The following SPIRE1 variants were observed in gnomAD, a reference collection of about 807,000 sequenced individuals.
The protein encoded by SPIRE1 is spire type actin nucleation factor 1.
SPIRE1 carries 40 observed loss-of-function variants against 94.1 expected under a neutral mutation model. The observed-to-expected ratio is 0.43, with a 90% CI of 0.33 to 0.55. The LOEUF is 0.55. SPIRE1 is among the 20% of genes least tolerant of loss of function. The pLI is 0.06. For synonymous variants in SPIRE1, 376 were observed against 371.7 expected, an observed-to-expected ratio of 1.01 and a Z score of -0.13; for missense variants, 838 against 975.2, an observed-to-expected ratio of 0.86 and a Z score of 1.87.
In SPIRE1 at chr18:12,615,342, AAAAATATATATAT is replaced by A. The variant is rs1332878746; in HGVS notation, c.372+19707_372+19719del. On this transcript the variant is annotated intron_variant, in intron 2 of 16. Coordinates refer to ENST00000409402, the MANE Select transcript of SPIRE1 (RefSeq NM_001128626.2). ...AACTCTGTCTCAAAAAAAAAAAAAA[AAAAATATATATAT>A]ATATATATATATATATATGCATGTA... 1.2e-4 allele frequency among the ~76,000 whole-genome samples: 7 copies of A among 58,314 alleles called. 1 individual carries two copies. The highest frequency in any genetic ancestry group is 3.1e-4 in the African/African-American group (7 of 22,452). 38.3% of individuals were successfully genotyped at this position (58,314 alleles called of 152,430 possible). A position where few individuals can be genotyped will look rare whatever the true frequency, so the allele number is the denominator to read the frequency against.
Position 12,512,515 on chromosome 18 carries a change from T to C in SPIRE1, c.746A>G (p.Gln249Arg). 2 of 1,609,450 alleles carry C rather than the reference T, an allele frequency of 1.2e-6. No individual in the cohort carries two copies. Residue 249 changes from glutamine to arginine, a missense_variant, in exon 5 of 17, where the codon CAA (glutamine) becomes CGA (arginine). Physicochemically the swap from Gln to Arg is conservative, Grantham distance 43. Around this residue, in one of 2 missense-constraint regions of SPIRE1, gnomAD observed 645 missense variants for 804.7 expected, o/e 0.80. Transcript: ENST00000409402. ...AGATTCATCGCTCTTTTCCATTTCT[T>C]GAATCTTCTTAAGATTCTACAGGTT... is the stretch of plus-strand genomic sequence containing the variant. ...KSAKENLKKI[Q>R]EMEKSDESST...
chr18:12,603,287 T>G (rs1339181524), intron 2 of SPIRE1, among the ~76,000 whole-genome samples: 2 of 152,220 alleles, frequency 1.3e-5, no homozygotes, highest in African/African-American at 2.4e-5. Context: ...AATCTTAACT[T>G]GAACCGTCTG....
intron 2 of SPIRE1, among the ~76,000 whole-genome samples, chr18:12,605,966 A>T (rs2036963557): frequency 6.6e-6 from 1 of 151,822 alleles, no homozygotes; most frequent in African/African-American, 2.4e-5. Context: ...GCATCTTCCC[A>T]CTGCAGGCCT....
At chr18:12,631,022 G>A (rs985422026) in intron 2 of SPIRE1, among the ~76,000 whole-genome samples, 2 of 152,228 alleles carry the variant, frequency 1.3e-5, no homozygotes, top group African/African-American at 4.8e-5. Context: ...CTGACAAAAA[G>A]AGCCTTAAAC....
chr18:12,502,165 T>C (rs767006808), intron 6 of SPIRE1, among the ~76,000 whole-genome samples: 2 of 152,170 alleles, frequency 1.3e-5, no homozygotes, highest in Admixed American at 1.3e-4. Context: ...AAGGAACCTA[T>C]AATTCTTAGT....
At chr18:12,518,171 T>G (rs2034252795) in intron 4 of SPIRE1, among the ~76,000 whole-genome samples, 1 of 152,068 alleles carries the variant, frequency 6.6e-6, no homozygotes, top group South Asian at 2.1e-4. Flanking sequence ...CTACCACACC[T>G]GGCTAATTTT....
intron 11 of SPIRE1, 95 bp from the exon 12 acceptor site, chr18:12,463,588 T>G: frequency 9.7e-7 from 1 of 1,028,444 alleles, no homozygotes; most frequent in South Asian, 1.7e-5. Flanking sequence ...CAAAGATGAA[T>G]TATTTATTTC....
At chr18:12,579,093 G>C (rs1369816269) in intron 2 of SPIRE1, among the ~76,000 whole-genome samples, 1 of 150,854 alleles carries the variant, frequency 6.6e-6, no homozygotes, top group Non-Finnish European at 1.5e-5. Flanking sequence ...TTTAAGAGAA[G>C]GGGAGGAAAA....
At chr18:12,581,514 C>G (rs181087520) in intron 2 of SPIRE1, among the ~76,000 whole-genome samples, 53 of 152,222 alleles carry the variant, frequency 3.5e-4, no homozygotes, top group African/African-American at 8.4e-4. Context: ...CTGAGTAAAT[C>G]TGAAAAATAC....
intron 4 of SPIRE1, among the ~76,000 whole-genome samples, chr18:12,527,534 T>C (rs934576502): frequency 6.6e-6 from 1 of 152,172 alleles, no homozygotes; most frequent in Non-Finnish European, 1.5e-5. Context: ...TTCCCCCAAG[T>C]ACATAAATTA....
intron 2 of SPIRE1, among the ~76,000 whole-genome samples, chr18:12,593,612 C>T (rs951433603): frequency 1.3e-4 from 20 of 152,202 alleles, no homozygotes; most frequent in African/African-American, 4.3e-4. Context: ...GACATAGGTC[C>T]TCTCCTGAAG....
At chr18:12,635,639 T>C (rs11080591) in intron 1 of SPIRE1, among the ~76,000 whole-genome samples, 137,677 of 152,166 alleles carry the variant, frequency 0.9, 62,527 homozygotes, top group Non-Finnish European at 0.95. Context: ...AGAGGCTCAC[T>C]TAAAGAATAA....
chr18:12,474,014 G>T (rs1471778083), intron 10 of SPIRE1, among the ~76,000 whole-genome samples: 1 of 152,172 alleles, frequency 6.6e-6, no homozygotes, highest in East Asian at 1.9e-4. Flanking sequence ...AGGTATTATG[G>T]TGGCTAGAAA....
At chr18:12,581,319 G>A (rs973611788) in intron 2 of SPIRE1, among the ~76,000 whole-genome samples, 11 of 152,130 alleles carry the variant, frequency 7.2e-5, no homozygotes, top group African/African-American at 1.4e-4. Flanking sequence ...TTGAACTAAA[G>A]TGACTTTCAT....
At chr18:12,465,055 G>T in intron 10 of SPIRE1, 97 bp from the exon 11 acceptor site, 1 of 1,037,308 alleles carries the variant, frequency 9.6e-7, no homozygotes. Flanking sequence ...TTTAACATGA[G>T]GCACCAAAGT....
Position 12,561,192 on chromosome 18 carries a change from T to C in SPIRE1, c.373-14288A>G, listed in dbSNP as rs1476575937. ...AAAATAGTTTGGCTATCTTTGAATA[T>C]AGGTGGTCTCCTTACACAAGTTACA... On this transcript the variant is annotated intron_variant, in intron 2 of 16. Coordinates refer to ENST00000409402, the MANE Select transcript of SPIRE1 (RefSeq NM_001128626.2). Among the ~76,000 whole-genome samples the C allele has an allele frequency of 3.9e-5, 6 of 152,194 alleles. No individual in the cohort carries two copies. In the East Asian group the frequency reaches 1.2e-3, roughly 29 times the overall value.
upstream of SPIRE1, among the ~76,000 whole-genome samples, chr18:12,660,567 C>G (rs775620822): frequency 6.6e-6 from 1 of 152,048 alleles, no homozygotes; most frequent in East Asian, 1.9e-4. Context: ...GTGGTCCACC[C>G]GCCTCAGCCT....
rs145432804 is a variant in SPIRE1 at position 12,567,116 on chromosome 18, T to C, written c.373-20212A>G. 3.6e-3 allele frequency among the ~76,000 whole-genome samples: 548 copies of C among 152,288 alleles called. 1 individual carries two copies. Among genetic ancestry groups the C allele is most frequent in the African/African-American group, 0.012 (516 of 41,556 alleles). On this transcript the variant is annotated intron_variant, in intron 2 of 16. Transcript: ENST00000409402. ...TCCCTCTGGAACTAATAAGCAATTA[T>C]AGCAAGGTTGCAGGATACAAGGTTA...
Position 12,559,119 on chromosome 18 carries a change from C to A in SPIRE1, c.373-12215G>T, listed in dbSNP as rs1380653575. Among the ~76,000 whole-genome samples the A allele has an allele frequency of 7.4e-6, 1 of 135,408 alleles. No homozygotes were observed. The highest frequency in any genetic ancestry group is 1.6e-5 in the Non-Finnish European group (1 of 62,800). 88.8% of individuals were successfully genotyped at this position (135,408 alleles called of 152,430 possible). A position where few individuals can be genotyped will look rare whatever the true frequency, so the allele number is the denominator to read the frequency against. ...CTTGGGCGGTAGATGGGACCAGGCACCTTGGAGCAGGGGGAGGCGCCCCCT... is the reference window on the plus strand; with the variant it reads ...CTTGGGCGGTAGATGGGACCAGGCAACTTGGAGCAGGGGGAGGCGCCCCCT... On this transcript the variant is annotated intron_variant, in intron 2 of 16. Transcript: ENST00000409402. This position sits in a 1 kb window ranked among gnomAD's most constrained non-coding sequence, Gnocchi z 4.7.
Sources: gnomAD v4.1 joint callset for allele counts (sites outside exome capture counted in the v4.1 genomes callset) on GRCh38, gnomAD v4.1.1 for gene constraint, gnomAD v4.1.1 regional missense constraint, Gnocchi (gnomAD v3.1) non-coding constraint, MANE v1.5 for transcripts, NCBI Gene and HGNC (gene_info 2026-07-23, HGNC 2026-07-21) for gene names.